USP33: variants seen among roughly 807,000 people sequenced by gnomAD.
The protein encoded by USP33 is ubiquitin specific peptidase 33, also known as ubiquitin carboxyl-terminal hydrolase 33.
USP33 carries 46 observed loss-of-function variants against 124.2 expected under a neutral mutation model. The ratio of observed to expected loss-of-function variants is 0.37; its 90% CI spans 0.29 to 0.47. The LOEUF is 0.47. Ranked by LOEUF, USP33 falls within the 20% of genes least tolerant of loss-of-function variation. The probability of loss-of-function intolerance (pLI) is 0.99; values close to 1 mark genes in which losing one functional copy is unlikely to be tolerated. For synonymous variants in USP33, 350 were observed against 352.3 expected (o/e 0.99, Z 0.07); for missense variants, 851 against 1,070.6 (o/e 0.79, Z 2.86).
intron 4 of USP33, among the ~76,000 whole-genome samples, chr1:77,740,085 CAA>C (rs1678943606): frequency 6.6e-6 from 1 of 152,180 alleles, no homozygotes; most frequent in Non-Finnish European, 1.5e-5. Context: ...CATCTTAAAA[CAA>C]AGTCATTCGA....
intron 21 of USP33, among the ~76,000 whole-genome samples, chr1:77,708,741 GT>G (rs1185042762): frequency 2.0e-5 from 3 of 151,466 alleles, no homozygotes; most frequent in Admixed American, 6.6e-5. Flanking sequence ...CTCAATTAGG[GT>G]TTGTGACTTT....
chr1:77,705,127 A>AGG (rs11418255), intron 21 of USP33, among the ~76,000 whole-genome samples: 3,138 of 139,538 alleles, frequency 0.022, 75 homozygotes, highest in African/African-American at 0.046. Flanking sequence ...TAAAAAAAAA[A>AGG]GGGGGGGGGC....
At chr1:77,712,351 C>T (rs1176326089) in intron 20 of USP33, among the ~76,000 whole-genome samples, 5 of 152,132 alleles carry the variant, frequency 3.3e-5, no homozygotes, top group African/African-American at 1.2e-4. Context: ...TGGTGAAACC[C>T]CGTCTCTATT....
At chr1:77,706,661 A>G (rs1349281118) in intron 21 of USP33, among the ~76,000 whole-genome samples, 1 of 152,226 alleles carries the variant, frequency 6.6e-6, no homozygotes, top group African/African-American at 2.4e-5. Flanking sequence ...ACCATGCGCT[A>G]TCATGCAAAA....
intron 1 of USP33, among the ~76,000 whole-genome samples, chr1:77,759,179 C>T (rs142907548): frequency 6.6e-6 from 1 of 152,116 alleles, no homozygotes; most frequent in African/African-American, 2.4e-5. Flanking sequence ...TCGGTTTTTC[C>T]GTTCACAACA....
In USP33 at chr1:77,750,774, T is replaced by C. The variant is rs1315439976; in HGVS notation, c.-52+8869A>G. ...CCCGTATAATACAATGCTATCAAAA[T>C]AGAAAACCCTTAGTATTTTCTTTGC... On this transcript the variant is annotated intron_variant, in intron 1 of 23. Transcript: ENST00000370794. Among the ~76,000 whole-genome samples the C allele has an allele frequency of 5.9e-5, 9 of 152,328 alleles. No homozygotes were observed. The East Asian group carries it at 1.5e-3, about 26-fold the overall frequency.
chr1:77,730,835 T>C, intron 7 of USP33, 104 bp from the exon 8 acceptor site: 1 of 695,874 alleles, frequency 1.4e-6, no homozygotes. Context: ...TAGCCGTTAT[T>C]TCTTTCTTTG....
intron 1 of USP33, among the ~76,000 whole-genome samples, chr1:77,757,967 T>C (rs1680956717): frequency 2.6e-5 from 4 of 152,138 alleles, no homozygotes; most frequent in African/African-American, 9.7e-5. Context: ...ATATTTAAAA[T>C]CACCTATTTA....
At position 77,714,791 on chromosome 1, in the gene USP33, G is replaced by A. The variant is rs1231870750; in HGVS notation, c.2046-8C>T. 1 of 1,606,650 alleles carries A rather than the reference G, an allele frequency of 6.2e-7. No homozygotes were observed. Among genetic ancestry groups the A allele is most frequent in the Non-Finnish European group, 8.5e-7 (1 of 1,178,856 alleles). On this transcript the variant is annotated splice_region_variant and splice_polypyrimidine_tract_variant and intron_variant, in intron 18 of 23. Transcript: ENST00000370794. The stretch of plus-strand genomic sequence containing the variant: ...GCCTCTTCGCTGCTCTTCCTATTAA[G>A]GACAATGATTAGTTAAATTCAATAT...
At chr1:77,706,299 C>T (rs1465943556) in intron 21 of USP33, among the ~76,000 whole-genome samples, 4 of 152,172 alleles carry the variant, frequency 2.6e-5, no homozygotes, top group African/African-American at 9.7e-5. Flanking sequence ...TAATGACTGA[C>T]ACTGTGTACT....
At position 77,701,491 on chromosome 1, in the gene USP33, CAG is replaced by C; in HGVS notation, c.2407-22_2407-21del. On this transcript the variant is annotated intron_variant, in intron 21 of 23. Coordinates refer to ENST00000370794, the MANE Select transcript of USP33 (RefSeq NM_201624.3). ...GTTAAGCTACAAGGGGGAAAAAAAACAGTCATCTAATATCTAAAACTTGCTTT... is the reference window on the plus strand; with the variant it reads ...GTTAAGCTACAAGGGGGAAAAAAAACTCATCTAATATCTAAAACTTGCTTT... The C allele has an allele frequency of 6.3e-7, 1 of 1,578,568 alleles. No individual in the cohort carries two copies. Among genetic ancestry groups the C allele is most frequent in the Non-Finnish European group, 8.7e-7 (1 of 1,153,934 alleles).
intron 1 of USP33, among the ~76,000 whole-genome samples, chr1:77,749,326 C>A (rs1680060870): frequency 6.6e-6 from 1 of 151,900 alleles, no homozygotes; most frequent in Non-Finnish European, 1.5e-5. Flanking sequence ...GTTTTCAATT[C>A]CATTAATATC....
chr1:77,706,952 T>G (rs1001705159), intron 21 of USP33, among the ~76,000 whole-genome samples: 6 of 152,146 alleles, frequency 3.9e-5, no homozygotes, highest in African/African-American at 1.4e-4. Context: ...CAACAACAAT[T>G]TGACTGGACT....
intron 7 of USP33, among the ~76,000 whole-genome samples, 183 bp from the exon 8 acceptor site, chr1:77,730,914 A>T (rs1331041923): frequency 6.6e-6 from 1 of 152,200 alleles, no homozygotes; most frequent in Non-Finnish European, 1.5e-5. Context: ...ATTTGGCCCC[A>T]GCATATCAAG....
chr1:77,703,854 A>C (rs1674314836), intron 21 of USP33, among the ~76,000 whole-genome samples: 1 of 152,178 alleles, frequency 6.6e-6, no homozygotes. Context: ...TCTCTACTAA[A>C]AATACACAAA....
intron 23 of USP33, 121 bp from the exon 24 acceptor site, chr1:77,697,595 T>C: frequency 8.4e-7 from 1 of 1,190,644 alleles, no homozygotes; most frequent in Non-Finnish European, 1.2e-6. Context: ...GGAACATGAA[T>C]CTGCAGACTA....
At chr1:77,722,310 AAAAC>A (rs1676654539) in intron 12 of USP33, 114 bp from the exon 13 acceptor site, 2 of 1,013,908 alleles carry the variant, frequency 2.0e-6, no homozygotes, top group Admixed American at 2.9e-5. Context: ...AAAAAAACAA[AAAAC>A]AAAAAAAAAC....
intron 15 of USP33, 26 bp downstream of exon 15, chr1:77,721,146 T>C: frequency 6.2e-7 from 1 of 1,613,394 alleles, no homozygotes; most frequent in Non-Finnish European, 8.5e-7. Context: ...CAACATGCAA[T>C]TAAAAGCACT....
chr1:77,728,654 T>TG lies in USP33; in HGVS notation c.775dup (p.Gln259ProfsTer15). 1 of 1,613,994 alleles carries TG rather than the reference T, an allele frequency of 6.2e-7. No homozygotes were observed. The highest frequency in any genetic ancestry group is 8.5e-7 in the Non-Finnish European group (1 of 1,179,988). The stretch of plus-strand genomic sequence containing the variant: ...CGGATCTTCTTCTACTTCCATGACT[T>TG]GCTCTTTCAATTCTTCATGAAGCAA... On this transcript the variant is annotated frameshift_variant, in exon 10 of 24. Transcript: ENST00000370794. LOFTEE classifies it high-confidence loss of function.
Sources: allele counts gnomAD v4.1 joint callset (sites outside exome capture counted in the v4.1 genomes callset), GRCh38; gene constraint gnomAD v4.1.1; transcripts MANE v1.5; gene names NCBI Gene and HGNC (gene_info 2026-07-23, HGNC 2026-07-21).